CPNE5: variants seen among roughly 807,000 people sequenced by gnomAD.
CPNE5 encodes copine 5.
Under a neutral mutation model 81.1 loss-of-function variants are expected in CPNE5, and 42 were observed. The observed-to-expected ratio is 0.52, with a 90% CI of 0.40 to 0.67. The LOEUF (loss-of-function observed/expected upper bound fraction) is 0.67. Among genes scored for constraint, CPNE5 ranks in the 30% least tolerant of loss-of-function variants. The probability of loss-of-function intolerance (pLI) is 0.00; values close to 1 mark genes in which losing one functional copy is unlikely to be tolerated. For missense variants in CPNE5, 612 were observed against 815.5 expected (o/e 0.75, Z 3.04); for synonymous variants, 313 against 321.5 (o/e 0.97, Z 0.28).
chr6:36,743,060 C>G (rs544331548), intron 20 of CPNE5: 2 of 985,328 alleles, frequency 2.0e-6, no homozygotes, highest in Admixed American at 6.1e-5. Context: ...TTTCCAGCCC[C>G]CTATGTTTGG....
intron 6 of CPNE5, among the ~76,000 whole-genome samples, chr6:36,795,743 T>C (rs1769509046): frequency 6.6e-6 from 1 of 152,206 alleles, no homozygotes; most frequent in Admixed American, 6.5e-5. Context: ...GTTTGTGGTA[T>C]TTGCCACAAT....
At chr6:36,744,900 C>CGTAT in intron 18 of CPNE5, 148 bp downstream of exon 18, 11 of 647,490 alleles carry the variant, frequency 1.7e-5, no homozygotes, top group South Asian at 5.3e-5. Context: ...GCAGTGGGGC[C>CGTAT]CAGTGAGGCA....
At chr6:36,778,372 C>T (rs1343248890) in intron 9 of CPNE5, among the ~76,000 whole-genome samples, 2 of 152,112 alleles carry the variant, frequency 1.3e-5, no homozygotes, top group South Asian at 2.1e-4. Flanking sequence ...AGTGTGGGGC[C>T]GGGCAGCAGA....
At position 36,746,049 on chromosome 6, in the gene CPNE5, T is replaced by A. The variant is rs566403792; in HGVS notation, c.1200+347A>T. 3 of 420,162 alleles carry A rather than the reference T, an allele frequency of 7.1e-6. No individual in the cohort carries two copies. The Admixed American group carries it at 1.9e-4, about 27-fold the overall frequency. 26.0% of individuals were successfully genotyped at this position (420,162 alleles called of 1,614,324 possible). The stretch of plus-strand genomic sequence containing the variant: ...CCCTGGAGATCCACGTCATCCCATC[T>A]CAGCACTGACTCAGGGATACCCAAC... On this transcript the variant is annotated intron_variant, in intron 16 of 20. Transcript: ENST00000244751. The surrounding 1 kb of genome is among the most constrained non-coding windows in gnomAD (Gnocchi z 4.5).
chr6:36,796,721 A>AC, intron 6 of CPNE5, among the ~76,000 whole-genome samples: 1 of 152,194 alleles, frequency 6.6e-6, no homozygotes, highest in African/African-American at 2.4e-5. Flanking sequence ...AGCTATAGAG[A>AC]CCCCCAAAAC....
Position 36,775,069 on chromosome 6 carries a change from G to A in CPNE5, c.633-4C>T. On this transcript the variant is annotated splice_polypyrimidine_tract_variant and splice_region_variant and intron_variant, in intron 9 of 20. Transcript: ENST00000244751. ...GGTCTTGTGGCAAATGGTGAACCTGGTGAAGAAGAAGAGAGGGAAAGGCTG... is the reference window on the plus strand; with the variant it reads ...GGTCTTGTGGCAAATGGTGAACCTGATGAAGAAGAAGAGAGGGAAAGGCTG... 6.2e-7 allele frequency: 1 copy of A among 1,612,630 alleles called. No individual in the cohort carries two copies.
At chr6:36,831,498 C>T (rs372612219) in intron 1 of CPNE5, among the ~76,000 whole-genome samples, 2 of 152,064 alleles carry the variant, frequency 1.3e-5, no homozygotes, top group Non-Finnish European at 1.5e-5. Flanking sequence ...GGATTACAGG[C>T]GCCCGCCACC....
rs73414302 is a variant in CPNE5, at chr6:36,789,335, T to C, written c.528+2698A>G. 4.4e-3 allele frequency among the ~76,000 whole-genome samples: 676 copies of C among 152,264 alleles called. 3 individuals carry two copies. The highest frequency in any genetic ancestry group is 0.015 in the African/African-American group (626 of 41,548). ...GAGGAAGGGTTTAACACCTGATAGGTATTCAACCTAAGACTGCTTACCAAC... is the reference window on the plus strand; with the variant it reads ...GAGGAAGGGTTTAACACCTGATAGGCATTCAACCTAAGACTGCTTACCAAC... On this transcript the variant is annotated intron_variant, in intron 8 of 20. Coordinates refer to ENST00000244751, the MANE Select transcript of CPNE5 (RefSeq NM_020939.2).
chr6:36,792,760 C>T (rs765038236), intron 7 of CPNE5, among the ~76,000 whole-genome samples: 24 of 152,124 alleles, frequency 1.6e-4, no homozygotes, highest in Non-Finnish European at 2.9e-4. Flanking sequence ...GCAAGTTCTT[C>T]GGCTGGGGCT....
chr6:36,775,573 G>A (rs541146544), intron 9 of CPNE5, among the ~76,000 whole-genome samples: 3 of 152,146 alleles, frequency 2.0e-5, no homozygotes, highest in South Asian at 2.1e-4. Context: ...TCTCTCCTCC[G>A]CTTCCATCTT....
chr6:36,743,581 C>A, intron 20 of CPNE5, 108 bp downstream of exon 20: 1 of 1,077,072 alleles, frequency 9.3e-7, no homozygotes, highest in South Asian at 1.3e-5. Context: ...GCTCCCAGTG[C>A]CTCCCTTCTG....
At chr6:36,829,658 C>A (rs1435038589) in intron 1 of CPNE5, among the ~76,000 whole-genome samples, 1 of 151,160 alleles carries the variant, frequency 6.6e-6, no homozygotes. Context: ...CCTAAAAATA[C>A]AAAAATTATC....
chr6:36,745,667 A>T, intron 16 of CPNE5, 152 bp from the exon 17 acceptor site: 1 of 843,294 alleles, frequency 1.2e-6, no homozygotes, highest in Non-Finnish European at 1.8e-6. Context: ...GGGAGCTCCC[A>T]GGGCCCATCC....
chr6:36,824,437 T>C (rs1352933241), intron 1 of CPNE5, among the ~76,000 whole-genome samples: 1 of 152,188 alleles, frequency 6.6e-6, no homozygotes, highest in Non-Finnish European at 1.5e-5. Flanking sequence ...TTCCTGCCTG[T>C]GCGGCTACTC....
At chr6:36,836,668 C>T (rs902250908) in intron 1 of CPNE5, among the ~76,000 whole-genome samples, 2 of 152,124 alleles carry the variant, frequency 1.3e-5, no homozygotes, top group African/African-American at 2.4e-5. Context: ...CTTTAACTGG[C>T]GACCATGGAG....
intron 3 of CPNE5, among the ~76,000 whole-genome samples, chr6:36,810,061 G>C (rs147173633): frequency 7.9e-5 from 12 of 152,140 alleles, no homozygotes; most frequent in African/African-American, 2.9e-4. Context: ...CATGGTGGGC[G>C]AGGAAGGGCC....
At chr6:36,782,361 T>C (rs1768102917) in intron 8 of CPNE5, among the ~76,000 whole-genome samples, 1 of 152,120 alleles carries the variant, frequency 6.6e-6, no homozygotes, top group Non-Finnish European at 1.5e-5. Flanking sequence ...CTCTTAGTTT[T>C]GCTTCCTAGG....
At position 36,743,811 on chromosome 6, in the gene CPNE5, C is replaced by G; in HGVS notation, c.1490-49G>C. The G allele has an allele frequency of 2.0e-6, 3 of 1,512,254 alleles. No homozygotes were observed. The South Asian group carries it at 3.4e-5, about 17-fold the overall frequency. The allele number at this position is 1,512,254 out of a possible 1,614,324, so 93.7% of individuals were successfully genotyped here. A position where few individuals can be genotyped will look rare whatever the true frequency, so the allele number is the denominator to read the frequency against. ...GGCGGGGTGAGATTAACGGTGGACC[C>G]CTGGCCCTAGCAGGAGAGTGGACTT... On this transcript the variant is annotated intron_variant, in intron 19 of 20. Coordinates refer to ENST00000244751, the MANE Select transcript of CPNE5 (RefSeq NM_020939.2).
At chr6:36,800,482 G>A (rs151160675) in intron 3 of CPNE5, among the ~76,000 whole-genome samples, 42 of 152,088 alleles carry the variant, frequency 2.8e-4, no homozygotes, top group Admixed American at 1.9e-3. Flanking sequence ...CCGAACTTGC[G>A]CCCACTCCAT....
Sources: allele counts gnomAD v4.1 joint callset (sites outside exome capture counted in the v4.1 genomes callset), GRCh38; gene constraint gnomAD v4.1.1; non-coding constraint Gnocchi (gnomAD v3.1); transcripts MANE v1.5; gene names NCBI Gene and HGNC (gene_info 2026-07-23, HGNC 2026-07-21).